The following EDIL3 variants were observed in gnomAD, a reference collection of about 807,000 sequenced individuals.
The protein encoded by EDIL3 is EGF-like repeat and discoidin I-like domain-containing protein 3.
A neutral mutation model predicts 67.4 loss-of-function variants in EDIL3; 37 were observed. That is an observed-to-expected ratio of 0.55 (90% CI 0.42 to 0.72). The LOEUF (loss-of-function observed/expected upper bound fraction) is 0.72, where lower values mean the gene tolerates loss of function less well. Ranked by LOEUF, EDIL3 falls within the 30% of genes least tolerant of loss-of-function variation. The pLI is 0.00. For synonymous variants in EDIL3, 195 were observed against 196.3 expected (o/e 0.99, Z 0.05); for missense variants, 527 against 586.3 (o/e 0.90, Z 1.04).
intron 1 of EDIL3, among the ~76,000 whole-genome samples, chr5:84,312,048 A>C (rs1266788061): frequency 6.6e-6 from 1 of 152,220 alleles, no homozygotes; most frequent in East Asian, 1.9e-4. Context: ...CATTGTCATC[A>C]TGGCCCGTTC....
chr5:84,092,812 A>C (rs893259356), intron 6 of EDIL3, among the ~76,000 whole-genome samples: 2 of 151,540 alleles, frequency 1.3e-5, no homozygotes, highest in African/African-American at 4.9e-5. Context: ...AAACAAAAAC[A>C]AACAAACAAA....
intron 6 of EDIL3, among the ~76,000 whole-genome samples, chr5:84,097,754 A>G (rs1747290206): frequency 6.6e-6 from 1 of 152,096 alleles, no homozygotes; most frequent in African/African-American, 2.4e-5. Context: ...TATATAAATA[A>G]AAATCAACCC....
chr5:84,185,393 A>G (rs189415843), intron 3 of EDIL3, among the ~76,000 whole-genome samples: 1 of 152,284 alleles, frequency 6.6e-6, no homozygotes, highest in East Asian at 1.9e-4. Context: ...ATAATGTGAG[A>G]CTGATGTTAT....
At chr5:84,227,711 A>G (rs1219600567) in intron 3 of EDIL3, among the ~76,000 whole-genome samples, 2 of 152,136 alleles carry the variant, frequency 1.3e-5, no homozygotes, top group African/African-American at 4.8e-5. Context: ...AAGAAAATGT[A>G]GTACATATAA....
intron 9 of EDIL3, among the ~76,000 whole-genome samples, chr5:84,035,661 ATAT>A (rs1206732644): frequency 5.3e-5 from 8 of 152,176 alleles, no homozygotes; most frequent in Non-Finnish European, 8.8e-5. Context: ...TTTCTCAAAC[ATAT>A]TATACTTTCT....
chr5:84,123,450 C>A (rs1222811705), intron 5 of EDIL3, among the ~76,000 whole-genome samples: 1 of 151,798 alleles, frequency 6.6e-6, no homozygotes, highest in Non-Finnish European at 1.5e-5. Flanking sequence ...TTGGATTTTG[C>A]CTGTATATTT....
At chr5:84,234,476 C>T (rs755194361) in intron 2 of EDIL3, among the ~76,000 whole-genome samples, 4 of 152,114 alleles carry the variant, frequency 2.6e-5, no homozygotes, top group Middle Eastern at 3.2e-3. Flanking sequence ...TGATACAACA[C>T]GATACTATAA....
intron 9 of EDIL3, among the ~76,000 whole-genome samples, chr5:84,053,023 C>G (rs1746372064): frequency 6.6e-6 from 1 of 152,142 alleles, no homozygotes. Context: ...CAGCACCACA[C>G]CACACCTACT....
intron 1 of EDIL3, among the ~76,000 whole-genome samples, chr5:84,329,788 C>T (rs530636267): frequency 3.3e-4 from 50 of 152,146 alleles, no homozygotes; most frequent in African/African-American, 1.1e-3. Context: ...TAATAATTAA[C>T]ATTTTCCAAA....
chr5:83,944,789 TTC>T (rs1269385075), intron 10 of EDIL3, among the ~76,000 whole-genome samples: 3 of 151,972 alleles, frequency 2.0e-5, no homozygotes, highest in African/African-American at 7.2e-5. Context: ...GAAGATAATT[TTC>T]TTTCTTGTTT....
intron 1 of EDIL3, among the ~76,000 whole-genome samples, chr5:84,259,558 C>G (rs1745187256): frequency 6.6e-6 from 1 of 152,144 alleles, no homozygotes. Flanking sequence ...TTTTTGGCAA[C>G]AGAATAAAGC....
At chr5:84,291,103 G>A (rs1745904274) in intron 1 of EDIL3, among the ~76,000 whole-genome samples, 1 of 152,178 alleles carries the variant, frequency 6.6e-6, no homozygotes, top group African/African-American at 2.4e-5. Flanking sequence ...CTGCCCAACA[G>A]TGAGTTTAGT....
At chr5:84,355,403 T>G (rs539502486) in intron 1 of EDIL3, among the ~76,000 whole-genome samples, 1 of 152,204 alleles carries the variant, frequency 6.6e-6, no homozygotes, top group African/African-American at 2.4e-5. Flanking sequence ...TTAAAGGTTC[T>G]TAGCTTCCTT....
At chr5:84,163,983 T>C (rs1366527090) in intron 4 of EDIL3, among the ~76,000 whole-genome samples, 2 of 152,106 alleles carry the variant, frequency 1.3e-5, no homozygotes, top group Non-Finnish European at 2.9e-5. Flanking sequence ...TTGTAATAAT[T>C]GACTGCTTTT....
At chr5:84,107,479 A>T (rs1282895502) in intron 5 of EDIL3, among the ~76,000 whole-genome samples, 1 of 151,608 alleles carries the variant, frequency 6.6e-6, no homozygotes, top group Non-Finnish European at 1.5e-5. Context: ...CTCTGACAAC[A>T]TTATACATGA....
chr5:84,032,380 G>T (rs1326390084), intron 9 of EDIL3, among the ~76,000 whole-genome samples: 2 of 152,100 alleles, frequency 1.3e-5, no homozygotes, highest in African/African-American at 4.8e-5. Context: ...TTGACAACTG[G>T]TATTTCTGAG....
intron 8 of EDIL3, among the ~76,000 whole-genome samples, chr5:84,061,949 T>C (rs1338552987): frequency 3.9e-5 from 6 of 152,104 alleles, no homozygotes; most frequent in African/African-American, 1.4e-4. Context: ...TAGCTATAAC[T>C]AATTGCCTTC....
At chr5:83,968,364 T>A (rs893267577) in intron 9 of EDIL3, among the ~76,000 whole-genome samples, 29 of 152,072 alleles carry the variant, frequency 1.9e-4, no homozygotes, top group Admixed American at 4.6e-4. Context: ...ACTAAAAAAA[T>A]TTTAATTTTC....
intron 4 of EDIL3, among the ~76,000 whole-genome samples, chr5:84,146,602 T>C (rs1456468419): frequency 6.6e-6 from 1 of 152,156 alleles, no homozygotes; most frequent in Non-Finnish European, 1.5e-5. Flanking sequence ...TTTATTCGTC[T>C]TAGTAATTTC....
Sources: allele counts gnomAD v4.1 joint callset (sites outside exome capture counted in the v4.1 genomes callset), GRCh38; gene constraint gnomAD v4.1.1; transcripts MANE v1.5; gene names NCBI Gene and HGNC (gene_info 2026-07-23, HGNC 2026-07-21).